Variants in RPS6KA6 observed in about 807,000 individuals in gnomAD.
The protein encoded by RPS6KA6 is ribosomal protein S6 kinase A6.
A neutral mutation model predicts 65.4 loss-of-function variants in RPS6KA6; 27 were observed. The ratio of observed to expected loss-of-function variants is 0.41; its 90% CI spans 0.30 to 0.57. RPS6KA6 has a LOEUF of 0.57. Ranked by LOEUF, RPS6KA6 falls within the 20% of genes least tolerant of loss-of-function variation. The pLI is 0.24. For missense variants in RPS6KA6, 486 were observed against 555.6 expected (o/e 0.87, Z 1.26); for synonymous variants, 190 against 184.2 (o/e 1.03, Z -0.26).
Position 84,117,312 on chromosome X carries a change from C to T in RPS6KA6, c.860+72G>A, listed in dbSNP as rs908505057. The T allele has an allele frequency of 4.0e-6, 3 of 744,120 alleles. No homozygotes were observed. In the African/African-American group the frequency reaches 6.5e-5, roughly 16 times the overall value. The allele number at this position is 744,120 out of a possible 1,213,427, so 61.3% of individuals were successfully genotyped here. ...AAGGTACTCTTGTATTATTTTAAAA[C>T]CGCAATAATTTTTTCAAAACTGAAA... is the stretch of plus-strand genomic sequence containing the variant. On this transcript the variant is annotated intron_variant, in intron 10 of 21. Transcript: ENST00000262752.
At chrX:84,170,165 TAAAAAAAAAAAAAAAAA>T (rs746518015) in intron 1 of RPS6KA6, among the ~76,000 whole-genome samples, 1 of 55,340 alleles carries the variant, frequency 1.8e-5, no homozygotes, top group African/African-American at 7.2e-5. Flanking sequence ...AGACTCCTTC[TAAAAAAAAAAAAAAAAA>T]AAAAGAAAAT....
At chrX:84,105,509 G>A (rs1466166857) in intron 16 of RPS6KA6, among the ~76,000 whole-genome samples, 1 of 110,745 alleles carries the variant, frequency 9.0e-6, no homozygotes, top group Non-Finnish European at 1.9e-5. Flanking sequence ...ATAATAATTG[G>A]TGTTAGCTAC....
In RPS6KA6 at chrX:84,059,105, G is replaced by GTTTCT. The variant is rs1569361616; in HGVS notation, c.*5167_*5171dup. On this transcript the variant is annotated 3_prime_UTR_variant, in exon 22 of 22. Transcript: ENST00000262752. Reference sequence around the variant, plus strand: ...TTAATGTGTAACTTTTTAAATGGCTGTTTCTTTTCTTTTTTTTTTTTTTTT... The same window carrying GTTTCT: ...TTAATGTGTAACTTTTTAAATGGCTGTTTCTTTTCTTTTCTTTTTTTTTTTTTTTT... 8 of 32,539 alleles carry GTTTCT rather than the reference G, an allele frequency of 2.5e-4. No individual in the cohort carries two copies. The highest frequency in any genetic ancestry group is 3.4e-4 in the Admixed American group (1 of 2,975). 2.7% of individuals were successfully genotyped at this position (32,539 alleles called of 1,213,427 possible). A position where few individuals can be genotyped will look rare whatever the true frequency, so the allele number is the denominator to read the frequency against.
intron 8 of RPS6KA6, among the ~76,000 whole-genome samples, chrX:84,124,910 G>A (rs2034749574): frequency 1.8e-5 from 2 of 111,959 alleles, no homozygotes; most frequent in African/African-American, 3.2e-5. Flanking sequence ...AAAGCAGCAA[G>A]AGAAAATAAA....
chrX:84,061,108 G>T lies in RPS6KA6; in HGVS notation c.*3169C>A, dbSNP rs2147306805. 8.9e-6 allele frequency: 1 copy of T among 112,275 alleles called. No homozygotes were observed. Among genetic ancestry groups the T allele is most frequent in the African/African-American group, 3.2e-5 (1 of 30,953 alleles). 9.3% of individuals were successfully genotyped at this position (112,275 alleles called of 1,213,427 possible). ...ATAGATAGCATGAAGGGGCTGGAAA[G>T]CCAGGAGAAAGAGAATGTACAGAAT... On this transcript the variant is annotated 3_prime_UTR_variant, in exon 22 of 22. Transcript: ENST00000262752.
intron 3 of RPS6KA6, among the ~76,000 whole-genome samples, chrX:84,150,161 G>A (rs1238779195): frequency 1.8e-5 from 2 of 111,846 alleles, no homozygotes; most frequent in Non-Finnish European, 3.8e-5. Context: ...AGCCTTCACA[G>A]AATTAAAGAG....
At chrX:84,146,194 C>G (rs1198420317) in intron 5 of RPS6KA6, among the ~76,000 whole-genome samples, 1 of 111,155 alleles carries the variant, frequency 9.0e-6, no homozygotes, top group African/African-American at 3.3e-5. Context: ...ACGGGAAGGT[C>G]TTTAGATGTT....
At chrX:84,140,364 C>A (rs1330437853) in intron 6 of RPS6KA6, among the ~76,000 whole-genome samples, 7 of 110,959 alleles carry the variant, frequency 6.3e-5, no homozygotes, top group African/African-American at 2.3e-4. Flanking sequence ...GAACAGAGAT[C>A]AATAATAGTT....
rs779201506 is a variant in RPS6KA6, at chrX:84,187,942, T to C, written c.-43A>G. ...TCAAACAGGAGCTGCCGCCTACCGCTGGCGCGGCCGCGCATCCTGTCTATT... is the reference window on the plus strand; with the variant it reads ...TCAAACAGGAGCTGCCGCCTACCGCCGGCGCGGCCGCGCATCCTGTCTATT... On this transcript the variant is annotated 5_prime_UTR_variant, in exon 1 of 22. Coordinates refer to ENST00000262752, the MANE Select transcript of RPS6KA6 (RefSeq NM_014496.5). 10 of 1,102,713 alleles carry C rather than the reference T, an allele frequency of 9.1e-6. No individual in the cohort carries two copies. In the Admixed American group the frequency reaches 1.5e-4, roughly 17 times the overall value. 90.9% of individuals were successfully genotyped at this position (1,102,713 alleles called of 1,213,427 possible). A position where few individuals can be genotyped will look rare whatever the true frequency, so the allele number is the denominator to read the frequency against.
intron 20 of RPS6KA6, among the ~76,000 whole-genome samples, chrX:84,084,214 T>C (rs1055140286): frequency 8.9e-6 from 1 of 112,526 alleles, no homozygotes; most frequent in African/African-American, 3.2e-5. Context: ...TTAGTTTAAT[T>C]AGATCCCATT....
At chrX:84,138,566 C>T (rs1213949543) in intron 6 of RPS6KA6, among the ~76,000 whole-genome samples, 1 of 112,020 alleles carries the variant, frequency 8.9e-6, no homozygotes, top group African/African-American at 3.2e-5. Flanking sequence ...AACAAACAAA[C>T]AAAAATATTA....
At chrX:84,079,690 A>G (rs1404914722) in intron 20 of RPS6KA6, among the ~76,000 whole-genome samples, 1 of 111,588 alleles carries the variant, frequency 9.0e-6, no homozygotes, top group Admixed American at 9.5e-5. Context: ...TTCCCCTGAC[A>G]GCGTAAACAA....
chrX:84,168,672 T>C (rs1289003251), intron 1 of RPS6KA6, among the ~76,000 whole-genome samples: 1 of 112,038 alleles, frequency 8.9e-6, no homozygotes, highest in Non-Finnish European at 1.9e-5. Flanking sequence ...GGAAGAGGAT[T>C]ATCCATAAAA....
chrX:84,157,225 C>T (rs1343280074), intron 2 of RPS6KA6, among the ~76,000 whole-genome samples: 2 of 111,189 alleles, frequency 1.8e-5, no homozygotes, highest in African/African-American at 3.3e-5. Flanking sequence ...TTCACTATCT[C>T]AAGGGGGGTA....
intron 8 of RPS6KA6, among the ~76,000 whole-genome samples, chrX:84,121,096 T>C (rs1266968966): frequency 8.9e-6 from 1 of 112,516 alleles, no homozygotes; most frequent in Non-Finnish European, 1.9e-5. Flanking sequence ...AAGTATAACG[T>C]GAATTTCACA....
In RPS6KA6 at chrX:84,093,916, A is replaced by C. The variant is rs954068811; in HGVS notation, c.1971+2278T>G. Among the ~76,000 whole-genome samples, 9 of 111,340 alleles carry C rather than the reference A, an allele frequency of 8.1e-5. No homozygotes were observed. In the Admixed American group the frequency reaches 8.6e-4, roughly 11 times the overall value. On this transcript the variant is annotated intron_variant, in intron 20 of 21. Transcript: ENST00000262752. ...GTGGGGTTGGGGCTTAGGAGAGAAC[A>C]ATGTGGCTTTTTGGTATGACTTGTT...
At chrX:84,071,719 G>C (rs1477014847) in intron 20 of RPS6KA6, among the ~76,000 whole-genome samples, 3 of 111,369 alleles carry the variant, frequency 2.7e-5, no homozygotes, top group African/African-American at 9.8e-5. Context: ...ATAAAAGAGA[G>C]ATGATTGAAA....
intron 3 of RPS6KA6, among the ~76,000 whole-genome samples, chrX:84,152,255 G>A (rs1389698977): frequency 9.1e-6 from 1 of 110,155 alleles, no homozygotes; most frequent in East Asian, 2.9e-4. Context: ...AGAAAATATC[G>A]TATCTCACTG....
chrX:84,153,304 A>G (rs2035360914), intron 3 of RPS6KA6, among the ~76,000 whole-genome samples: 1 of 111,828 alleles, frequency 8.9e-6, no homozygotes, highest in Non-Finnish European at 1.9e-5. Flanking sequence ...TTTTATATAA[A>G]TATTATTTGG....
Sources: allele counts gnomAD v4.1 joint callset (sites outside exome capture counted in the v4.1 genomes callset), GRCh38; gene constraint gnomAD v4.1.1; transcripts MANE v1.5; gene names NCBI Gene and HGNC (gene_info 2026-07-23, HGNC 2026-07-21).